AP3B2: variants seen among roughly 807,000 people sequenced by gnomAD.
The protein encoded by AP3B2 is AP-3 complex subunit beta-2.
In AP3B2, 50 loss-of-function variants were observed where a neutral mutation model predicts 126.9. The observed-to-expected ratio is 0.39, with a 90% CI of 0.31 to 0.50. The LOEUF (loss-of-function observed/expected upper bound fraction) is 0.50. Ranked by LOEUF, AP3B2 falls within the 20% of genes least tolerant of loss-of-function variation. The pLI, the probability that AP3B2 is intolerant of heterozygous loss-of-function variation, is 0.79. For missense variants in AP3B2, 1,177 were observed against 1,426.4 expected (o/e 0.83, Z 2.82); for synonymous variants, 541 against 565.0 (o/e 0.96, Z 0.60).
chr15:82,672,662 C>G (rs2048177255), intron 14 of AP3B2, among the ~76,000 whole-genome samples: 1 of 152,112 alleles, frequency 6.6e-6, no homozygotes, highest in South Asian at 2.1e-4. Context: ...ATGGATACCC[C>G]ATTCCCTGAT....
rs1175530839 is a variant in AP3B2 at position 82,663,846 on chromosome 15, C to T, written c.2391G>A (p.Glu797=). 1.2e-6 allele frequency: 2 copies of T among 1,613,936 alleles called. No individual in the cohort carries two copies. The highest frequency in any genetic ancestry group is 1.7e-6 in the Non-Finnish European group (2 of 1,179,868). ...CAGGTTCTAACTGCTCCTCCTCGGA[C>T]TCCGATGTCATCTCGGACTCTGATG... ...SSSSESEMTS[E]SEEEQLEPAS... is the part of the protein sequence containing the mutation. Residue 797 remains glutamate, a synonymous_variant, in exon 20 of 27, where the codon GAG becomes GAA. Coordinates refer to ENST00000535359, the MANE Select transcript of AP3B2 (RefSeq NM_001278512.2).
chr15:82,672,940 A>G (rs769527056), intron 14 of AP3B2, among the ~76,000 whole-genome samples: 18 of 152,126 alleles, frequency 1.2e-4, no homozygotes, highest in Non-Finnish European at 2.4e-4. Context: ...CAATCCTACA[A>G]CTGCAAGGAA....
At position 82,678,187 on chromosome 15, in the gene AP3B2, G is replaced by C; in HGVS notation, c.1183-20C>G. The C allele has an allele frequency of 6.2e-7, 1 of 1,613,030 alleles. No individual in the cohort carries two copies. Among genetic ancestry groups the C allele is most frequent in the East Asian group, 2.2e-5 (1 of 44,870 alleles). On this transcript the variant is annotated intron_variant, in intron 10 of 26. Coordinates refer to ENST00000535359, the MANE Select transcript of AP3B2 (RefSeq NM_001278512.2). ...TTCCAGCTGCAGGGAGGGTTGGAGA[G>C]GCAGAAAATGGGTGGGTTGGCCAGT...
At chr15:82,693,374 G>GAA (rs2048578418) in intron 1 of AP3B2, among the ~76,000 whole-genome samples, 1 of 149,768 alleles carries the variant, frequency 6.7e-6, no homozygotes, top group East Asian at 2.0e-4. Flanking sequence ...AGCCTCCCAA[G>GAA]TAGCTGGGAT....
At chr15:82,663,275 G>T in intron 21 of AP3B2, 42 bp from the exon 22 acceptor site, 1 of 1,502,536 alleles carries the variant, frequency 6.7e-7, no homozygotes. Flanking sequence ...AAGTGGAGGT[G>T]GCTTGGGTTG....
chr15:82,709,649 G>A lies in AP3B2; in HGVS notation c.58C>T (p.Pro20Ser). 6.6e-7 allele frequency: 1 copy of A among 1,519,322 alleles called. No individual in the cohort carries two copies. Among genetic ancestry groups the A allele is most frequent in the Non-Finnish European group, 8.8e-7 (1 of 1,136,364 alleles). The allele number at this position is 1,519,322 out of a possible 1,614,324, so 94.1% of individuals were successfully genotyped here. A position where few individuals can be genotyped will look rare whatever the true frequency, so the allele number is the denominator to read the frequency against. Residue 20 changes from proline to serine, a missense_variant, in exon 1 of 27, where the codon CCC becomes TCC. This residue lies in a region of AP3B2 where 49 missense variants were observed against 39.3 expected (regional missense o/e 1.25). Transcript: ENST00000535359. ...CTCGCGGGGTCGTGGCCGTACTCGG[G>A]CTCCCCGGGGCCAGCGGAGCCGCCC... The part of the protein sequence containing the change: ...DKGGSAGPGE[P>S]EYGHDPASGG...
rs1209292664 is a variant in AP3B2, at chr15:82,709,651, T to C, written c.56A>G (p.Glu19Gly). Residue 19 changes from glutamate to glycine, a missense_variant, in exon 1 of 27, where the codon GAG becomes GGG. By Grantham distance (98) the Glu-to-Gly change is moderately conservative (BLOSUM62 -2). Around this residue, in one of 5 missense-constraint regions of AP3B2, gnomAD observed 49 missense variants for 39.3 expected, o/e 1.25. Transcript: ENST00000535359. ...CGCGGGGTCGTGGCCGTACTCGGGC[T>C]CCCCGGGGCCAGCGGAGCCGCCCTT... ...EDKGGSAGPG[E>G]PEYGHDPASG... 1 of 1,519,524 alleles carries C rather than the reference T, an allele frequency of 6.6e-7. No homozygotes were observed. Among genetic ancestry groups the C allele is most frequent in the East Asian group, 2.7e-5 (1 of 37,406 alleles). The allele number at this position is 1,519,524 out of a possible 1,614,324, so 94.1% of individuals were successfully genotyped here. A position where few individuals can be genotyped will look rare whatever the true frequency, so the allele number is the denominator to read the frequency against.
Position 82,708,747 on chromosome 15 carries a change from G to A in AP3B2, c.113+847C>T, listed in dbSNP as rs72753923. The A allele has an allele frequency of 7.4e-3, 1,130 of 152,546 alleles. 13 individuals carry two copies. Among genetic ancestry groups the A allele is most frequent in the Non-Finnish European group, 8.3e-3 (567 of 68,266 alleles). 9.4% of individuals were successfully genotyped at this position (152,546 alleles called of 1,614,324 possible). A position where few individuals can be genotyped will look rare whatever the true frequency, so the allele number is the denominator to read the frequency against. ...GGCCTGGCTCTCAACCTTCCTGAAAGCCCTTTCCTCTGCCTGGAACATACC... is the reference window on the plus strand; with the variant it reads ...GGCCTGGCTCTCAACCTTCCTGAAAACCCTTTCCTCTGCCTGGAACATACC... On this transcript the variant is annotated intron_variant, in intron 1 of 26. Coordinates refer to ENST00000535359, the MANE Select transcript of AP3B2 (RefSeq NM_001278512.2).
chr15:82,707,971 C>G (rs2048823214), intron 1 of AP3B2, among the ~76,000 whole-genome samples: 1 of 152,106 alleles, frequency 6.6e-6, no homozygotes, highest in Non-Finnish European at 1.5e-5. Context: ...TTTGCTGCCC[C>G]AACACTTCAA....
In AP3B2 at chr15:82,660,853, T is replaced by C. The variant is rs145358783; in HGVS notation, c.3017-870A>G. ...GATCCTTCATCGTGCCAATGCCCTG[T>C]CTCCCTCCTCATTCATGGCTAAAGT... On this transcript the variant is annotated intron_variant, in intron 25 of 26. Transcript: ENST00000535359. Among the ~76,000 whole-genome samples, 333 of 152,276 alleles carry C rather than the reference T, an allele frequency of 2.2e-3. 1 individual carries two copies. Among genetic ancestry groups the C allele is most frequent in the African/African-American group, 7.9e-3 (327 of 41,538 alleles).
chr15:82,688,444 C>T (rs1337251821), intron 4 of AP3B2: 8 of 701,810 alleles, frequency 1.1e-5, no homozygotes, highest in African/African-American at 7.0e-5. Context: ...TAGAGACTCT[C>T]CACTCTCCGG....
chr15:82,660,366 C>G (rs912090761), intron 25 of AP3B2, among the ~76,000 whole-genome samples: 9 of 152,290 alleles, frequency 5.9e-5, no homozygotes, highest in Non-Finnish European at 1.2e-4. Context: ...ACATTCAACT[C>G]CCACTCAGCT....
At chr15:82,677,905 CT>C in intron 11 of AP3B2, 102 bp from the exon 12 acceptor site, 1 of 1,439,854 alleles carries the variant, frequency 6.9e-7, no homozygotes, top group Non-Finnish European at 9.3e-7. Context: ...ATGCCGGTGA[CT>C]AAGACTTGGG....
intron 1 of AP3B2, among the ~76,000 whole-genome samples, chr15:82,690,192 C>A (rs897975445): frequency 1.3e-5 from 2 of 151,794 alleles, no homozygotes; most frequent in East Asian, 3.8e-4. Context: ...AGCTGTGAGA[C>A]AATTCATTTC....
At position 82,664,236 on chromosome 15, in the gene AP3B2, T is replaced by A; in HGVS notation, c.2261+131A>T. The A allele has an allele frequency of 2.1e-6, 3 of 1,449,504 alleles. No homozygotes were observed. The highest frequency in any genetic ancestry group is 2.8e-6 in the Non-Finnish European group (3 of 1,071,200). 89.8% of individuals were successfully genotyped at this position (1,449,504 alleles called of 1,614,324 possible). ...GCAGCCAGCGAAAGTAGGCGTCATG[T>A]GAGCTGACAGCCCCACCCAGCTCAC... On this transcript the variant is annotated intron_variant, in intron 19 of 26. Coordinates refer to ENST00000535359, the MANE Select transcript of AP3B2 (RefSeq NM_001278512.2). This position sits in a 1 kb window ranked among gnomAD's most constrained non-coding sequence, Gnocchi z 4.5.
In AP3B2 at chr15:82,664,484, T is replaced by C; in HGVS notation, c.2144A>G (p.Glu715Gly). ...CTTACTGTCCGATTCACTCTCAGAC[T>C]CAGGGTCTGTGGAGGAACAATATGA... ...GPTESADSDPESESESDSKSS... is the reference protein window; with the variant it reads ...GPTESADSDPGSESESDSKSS... Residue 715 changes from glutamate to glycine, a missense_variant, in exon 19 of 27, where the codon GAG becomes GGG. Coordinates refer to ENST00000535359, the MANE Select transcript of AP3B2 (RefSeq NM_001278512.2). This position sits in a 1 kb window ranked among gnomAD's most constrained non-coding sequence, Gnocchi z 4.5. 1.2e-6 allele frequency: 2 copies of C among 1,613,194 alleles called. No individual in the cohort carries two copies. The highest frequency in any genetic ancestry group is 1.7e-6 in the Non-Finnish European group (2 of 1,179,554).
Position 82,680,660 on chromosome 15 carries a change from G to C in AP3B2, c.867C>G (p.Ala289=), listed in dbSNP as rs781167939. 1.2e-5 allele frequency: 19 copies of C among 1,580,198 alleles called. No individual in the cohort carries two copies. In the South Asian group the frequency reaches 2.1e-4, roughly 18 times the overall value. Residue 289 remains alanine (A), a synonymous_variant, in exon 8 of 27, where the codon GCC becomes GCG. Coordinates refer to ENST00000535359, the MANE Select transcript of AP3B2 (RefSeq NM_001278512.2). The surrounding 1 kb of genome is among the most constrained non-coding windows in gnomAD (Gnocchi z 6.1). ...GAGSEETAAA[A]APSRKPYVMD... ...TGACATAGGGCTTTCGGGAGGGGGC[G>C]GCCGCGGCGGCCGTCTCCTCAGACC... is the stretch of plus-strand genomic sequence containing the variant.
intron 14 of AP3B2, among the ~76,000 whole-genome samples, chr15:82,669,507 C>T (rs977709857): frequency 7.3e-5 from 11 of 150,362 alleles, no homozygotes; most frequent in African/African-American, 2.7e-4. Flanking sequence ...TCGTGGCCAA[C>T]ATGATGAAAT....
chr15:82,689,548 G>A lies in AP3B2; in HGVS notation c.114-95C>T, dbSNP rs2048488547. ...GGCACAAAGAAGGGACATGGCCAGG[G>A]GAGGCTCAGGCAGGACCTGACCCGA... On this transcript the variant is annotated intron_variant, in intron 1 of 26. Transcript: ENST00000535359. 1.6e-5 allele frequency: 20 copies of A among 1,233,762 alleles called. No individual in the cohort carries two copies. In the South Asian group the frequency reaches 2.4e-4, roughly 15 times the overall value. The allele number at this position is 1,233,762 out of a possible 1,614,324, so 76.4% of individuals were successfully genotyped here.
Sources: gnomAD v4.1 joint callset for allele counts (sites outside exome capture counted in the v4.1 genomes callset) on GRCh38, gnomAD v4.1.1 for gene constraint, gnomAD v4.1.1 regional missense constraint, Gnocchi (gnomAD v3.1) non-coding constraint, MANE v1.5 for transcripts, NCBI Gene and HGNC (gene_info 2026-07-23, HGNC 2026-07-21) for gene names.